Variants in DRD3 observed in about 807,000 individuals in gnomAD.
DRD3 encodes dopamine receptor D3, also known as D(3) dopamine receptor.
In DRD3, 19 loss-of-function variants were observed where a neutral mutation model predicts 36.3. That is an observed-to-expected ratio of 0.52 (90% CI 0.36 to 0.77). DRD3 has a LOEUF of 0.77. Among genes scored for constraint, DRD3 ranks in the 30% least tolerant of loss-of-function variants. DRD3 has a pLI of 0.00. For missense variants in DRD3, 465 were observed against 505.3 expected (o/e 0.92, Z 0.77); for synonymous variants, 195 against 203.7 (o/e 0.96, Z 0.36).
chr3:114,158,853 G>C (rs1224937262), intron 3 of DRD3, among the ~76,000 whole-genome samples: 1 of 152,138 alleles, frequency 6.6e-6, no homozygotes, highest in Non-Finnish European at 1.5e-5. Context: ...AAGCGGAATG[G>C]AAAGTGGGAG....
At chr3:114,168,401 A>C (rs1237797199) in intron 2 of DRD3, among the ~76,000 whole-genome samples, 3 of 151,846 alleles carry the variant, frequency 2.0e-5, no homozygotes, top group East Asian at 1.9e-4. Context: ...GCAATTCCCC[A>C]CCCCTACATC....
At chr3:114,135,038 G>A (rs1193829539) in intron 5 of DRD3, among the ~76,000 whole-genome samples, 1 of 152,036 alleles carries the variant, frequency 6.6e-6, no homozygotes, top group Non-Finnish European at 1.5e-5. Flanking sequence ...CTATTTAATT[G>A]TATGTTTGTA....
intron 1 of DRD3, among the ~76,000 whole-genome samples, chr3:114,194,534 C>T (rs1249554153): frequency 1.3e-5 from 2 of 152,116 alleles, no homozygotes; most frequent in Admixed American, 6.6e-5. Flanking sequence ...CCACCCACCT[C>T]GGCCTCCCAA....
At chr3:114,146,435 T>A (rs1284772934) in intron 4 of DRD3, among the ~76,000 whole-genome samples, 3 of 152,128 alleles carry the variant, frequency 2.0e-5, no homozygotes, top group African/African-American at 4.8e-5. Flanking sequence ...TTACTGAGGC[T>A]GGCCGAACGC....
intron 2 of DRD3, among the ~76,000 whole-genome samples, chr3:114,171,126 A>T (rs1464473708): frequency 6.6e-6 from 1 of 152,240 alleles, no homozygotes; most frequent in East Asian, 1.9e-4. Context: ...ATTCATGGAC[A>T]CATGGAAAAT....
At chr3:114,197,921 C>T (rs926020681) in intron 1 of DRD3, among the ~76,000 whole-genome samples, 10 of 152,142 alleles carry the variant, frequency 6.6e-5, no homozygotes, top group East Asian at 1.9e-4. Context: ...AGGCTATTCT[C>T]GTTCCTTAAT....
At chr3:114,188,214 T>C (rs890330333) in intron 1 of DRD3, among the ~76,000 whole-genome samples, 70 of 144,172 alleles carry the variant, frequency 4.9e-4, no homozygotes, top group African/African-American at 1.8e-3. Context: ...TTTTCCCTTT[T>C]TTTTTTTTTT....
At chr3:114,192,908 T>C (rs2078017799) in intron 1 of DRD3, among the ~76,000 whole-genome samples, 1 of 152,306 alleles carries the variant, frequency 6.6e-6, no homozygotes, top group South Asian at 2.1e-4. Context: ...ATTTTAGGCT[T>C]ATATGCCCCC....
chr3:114,136,126 C>A (rs2077472540), intron 5 of DRD3, among the ~76,000 whole-genome samples: 1 of 152,158 alleles, frequency 6.6e-6, no homozygotes, highest in Admixed American at 6.6e-5. Context: ...CTCATATTAG[C>A]TGGGTGCAGC....
chr3:114,191,651 G>A (rs191306694), intron 1 of DRD3, among the ~76,000 whole-genome samples: 1 of 152,206 alleles, frequency 6.6e-6, no homozygotes, highest in African/African-American at 2.4e-5. Context: ...TGGGGAGGCT[G>A]TTACGGTAAC....
At position 114,165,225 on chromosome 3, in the gene DRD3, A is replaced by G. The variant is rs532630889; in HGVS notation, c.271-5358T>C. Among the ~76,000 whole-genome samples, 194 of 152,328 alleles carry G rather than the reference A, an allele frequency of 1.3e-3. 1 individual carries two copies. Among genetic ancestry groups the G allele is most frequent in the Admixed American group, 4.1e-3 (63 of 15,304 alleles). On this transcript the variant is annotated intron_variant, in intron 2 of 6. Coordinates refer to ENST00000383673, the MANE Select transcript of DRD3 (RefSeq NM_000796.6). Reference sequence around the variant, plus strand: ...ATAATTTCAAAGAAATGATGAGTATAAGTGATGTTTCAAGATGTCCGCAAC... The same window carrying G: ...ATAATTTCAAAGAAATGATGAGTATGAGTGATGTTTCAAGATGTCCGCAAC...
chr3:114,166,420 C>T (rs1044245724), intron 2 of DRD3, among the ~76,000 whole-genome samples: 5 of 152,154 alleles, frequency 3.3e-5, no homozygotes, highest in Non-Finnish European at 5.9e-5. Context: ...GGTGATTATC[C>T]TTGAGGACTC....
chr3:114,136,956 T>A (rs2077480204), intron 5 of DRD3, among the ~76,000 whole-genome samples: 1 of 152,216 alleles, frequency 6.6e-6, no homozygotes, highest in Non-Finnish European at 1.5e-5. Flanking sequence ...GACGTCTGTT[T>A]CCTCTAATGC....
chr3:114,166,341 C>T (rs530354055), intron 2 of DRD3, among the ~76,000 whole-genome samples: 6 of 152,104 alleles, frequency 3.9e-5, no homozygotes, highest in African/African-American at 1.4e-4. Context: ...TAAATTGTGT[C>T]CCCCAAAAGG....
chr3:114,191,991 G>C (rs1229972093), intron 1 of DRD3, among the ~76,000 whole-genome samples: 1 of 152,216 alleles, frequency 6.6e-6, no homozygotes, highest in Non-Finnish European at 1.5e-5. Flanking sequence ...CATCACTTGT[G>C]TTTTGGCAAA....
chr3:114,167,667 A>G (rs2077799019), intron 2 of DRD3, among the ~76,000 whole-genome samples: 1 of 152,202 alleles, frequency 6.6e-6, no homozygotes, highest in African/African-American at 2.4e-5. Flanking sequence ...TACCAATGAA[A>G]GCTGACTGTG....
chr3:114,155,626 T>C (rs1401027674), intron 3 of DRD3, among the ~76,000 whole-genome samples: 1 of 149,918 alleles, frequency 6.7e-6, no homozygotes, highest in Non-Finnish European at 1.5e-5. Context: ...TGGCCAACTC[T>C]AGGCTTGGAA....
At chr3:114,156,763 C>CTTTCTTTCTT (rs2077676408) in intron 3 of DRD3, among the ~76,000 whole-genome samples, 91 of 102,048 alleles carry the variant, frequency 8.9e-4, no homozygotes, top group African/African-American at 3.0e-3. Flanking sequence ...TTCTTTCTTT[C>CTTTCTTTCTT]TTTCTTTCTT....
chr3:114,132,579 A>T (rs1464287113), intron 5 of DRD3, among the ~76,000 whole-genome samples: 2 of 152,088 alleles, frequency 1.3e-5, no homozygotes, highest in African/African-American at 4.8e-5. Flanking sequence ...AAAAAAAAAA[A>T]AAAAGCAGCA....
Sources: allele counts gnomAD v4.1 joint callset (sites outside exome capture counted in the v4.1 genomes callset), GRCh38; gene constraint gnomAD v4.1.1; transcripts MANE v1.5; gene names NCBI Gene and HGNC (gene_info 2026-07-23, HGNC 2026-07-21).